The following PDXK variants were observed in gnomAD, a reference collection of about 807,000 sequenced individuals.
PDXK encodes the protein pyridoxal kinase, also known as epididymis secretory sperm binding protein Li 1a.
Under a neutral mutation model 43.2 loss-of-function variants are expected in PDXK, and 15 were observed. The observed-to-expected ratio is 0.35, with a 90% confidence interval of 0.23 to 0.53. The LOEUF (loss-of-function observed/expected upper bound fraction) is 0.53, where lower values mean the gene tolerates loss of function less well. PDXK is among the 20% of genes least tolerant of loss of function. PDXK has a pLI of 0.92. For synonymous variants in PDXK, 172 were observed against 165.4 expected, an observed-to-expected ratio of 1.04 and a Z score of -0.31; for missense variants, 343 against 417.0, an observed-to-expected ratio of 0.82 and a Z score of 1.54.
chr21:43,746,062 C>T lies in PDXK; in HGVS notation c.332-17C>T. The T allele has an allele frequency of 3.7e-6, 6 of 1,607,134 alleles. No homozygotes were observed. Among genetic ancestry groups the T allele is most frequent in the Non-Finnish European group, 5.1e-6 (6 of 1,173,618 alleles). On this transcript the variant is annotated splice_polypyrimidine_tract_variant and intron_variant, in intron 4 of 10. Coordinates refer to ENST00000291565, the MANE Select transcript of PDXK (RefSeq NM_003681.5). ...AGCTGTAGCCTTTGCTGATAAGATG[C>T]CCTTGTGTCTCTGCAGTGTGTGATC...
At position 43,755,981 on chromosome 21, in the gene PDXK, C is replaced by G; in HGVS notation, c.857C>G (p.Pro286Arg). 1 of 1,612,726 alleles carries G rather than the reference C, an allele frequency of 6.2e-7. No homozygotes were observed. The change falls in exon 11 of 11, where the codon CCC (proline) becomes CGC (arginine). Residue 286 changes from proline to arginine, a missense_variant. By Grantham distance (103) the Pro-to-Arg change is moderately radical. Coordinates refer to ENST00000291565, the MANE Select transcript of PDXK (RefSeq NM_003681.5). Reference sequence around the variant, plus strand: ...GCCGGGGAAGGAGTGAGGCCCAGCCCCATGCAGCTGGAGCTGCGGATGGTG... The same window carrying G: ...GCCGGGGAAGGAGTGAGGCCCAGCCGCATGCAGCTGGAGCTGCGGATGGTG... ...AQAGEGVRPSPMQLELRMVQS... is the reference protein window; with the variant it reads ...AQAGEGVRPSRMQLELRMVQS...
At chr21:43,753,251 TACACGTGGGCACACGCAC>T (rs1340683130) in intron 8 of PDXK, among the ~76,000 whole-genome samples, 1 of 151,984 alleles carries the variant, frequency 6.6e-6, no homozygotes, top group Non-Finnish European at 1.5e-5. Context: ...CACACATGCA[TACACGTGGGCACACGCAC>T]ACACATGCAC....
At chr21:43,739,526 A>G (rs1392622347) in intron 2 of PDXK, among the ~76,000 whole-genome samples, 2 of 147,448 alleles carry the variant, frequency 1.4e-5, no homozygotes, top group Non-Finnish European at 3.1e-5. Context: ...TTATGGCAGA[A>G]GGGGAAACAA....
intron 1 of PDXK, 94 bp downstream of exon 1, chr21:43,719,475 C>T (rs941913889): frequency 1.6e-5 from 21 of 1,338,452 alleles, no homozygotes; most frequent in African/African-American, 6.1e-5. Flanking sequence ...GAGGGAGGCT[C>T]GGGAGCTGCG....
chr21:43,743,634 G>C (rs1445720401), intron 3 of PDXK, 90 bp from the exon 4 acceptor site: 3 of 832,336 alleles, frequency 3.6e-6, no homozygotes, highest in South Asian at 1.4e-5. Flanking sequence ...CCCCTCTGCA[G>C]GGTCTGCTGG....
At chr21:43,720,007 G>A (rs1006540605) in intron 1 of PDXK, 58 of 816,138 alleles carry the variant, frequency 7.1e-5, no homozygotes, top group Middle Eastern at 6.2e-4. Context: ...CGGCATCCCT[G>A]CAGGTGTTTG....
rs1473391675 is a variant in PDXK, at chr21:43,737,979, C to T, written c.143-3688C>T. On this transcript the variant is annotated intron_variant, in intron 2 of 10. Transcript: ENST00000291565. This position sits in a 1 kb window ranked among gnomAD's most constrained non-coding sequence, Gnocchi z 4.8. The stretch of plus-strand genomic sequence containing the variant: ...AGGTGCAAGACCATGCCCTCTGTTT[C>T]GATAGGAAGCTGGGCCTCAGAGGGG... The T allele has an allele frequency of 4.1e-6, 4 of 985,362 alleles. No individual in the cohort carries two copies. Among genetic ancestry groups the T allele is most frequent in the African/African-American group, 3.5e-5 (2 of 57,256 alleles). The allele number at this position is 985,362 out of a possible 1,614,324, so 61.0% of individuals were successfully genotyped here.
At chr21:43,727,226 C>T (rs73369494) in intron 1 of PDXK, among the ~76,000 whole-genome samples, 1 of 152,110 alleles carries the variant, frequency 6.6e-6, no homozygotes, top group Non-Finnish European at 1.5e-5. Flanking sequence ...AAATGGAATC[C>T]TGCGTGCCCA....
chr21:43,757,119 C>T lies in PDXK; in HGVS notation c.*1056C>T, dbSNP rs538949254. 12 of 152,654 alleles carry T rather than the reference C, an allele frequency of 7.9e-5. No homozygotes were observed. Among genetic ancestry groups the T allele is most frequent in the African/African-American group, 1.9e-4 (8 of 41,592 alleles). 9.5% of individuals were successfully genotyped at this position (152,654 alleles called of 1,614,324 possible). On this transcript the variant is annotated 3_prime_UTR_variant, in exon 11 of 11. Transcript: ENST00000291565. The stretch of plus-strand genomic sequence containing the variant: ...AATCTTCCAAGGTGGGTGTGGGGCA[C>T]GGTGGGGGCGGGCAGCTCCCAGGCC...
At chr21:43,728,557 A>C (rs2083276943) in intron 1 of PDXK, among the ~76,000 whole-genome samples, 2 of 152,194 alleles carry the variant, frequency 1.3e-5, no homozygotes, top group African/African-American at 4.8e-5. Flanking sequence ...CCGGAGGAGG[A>C]GGAGGATCAG....
chr21:43,733,173 G>A (rs1225593031), intron 1 of PDXK, among the ~76,000 whole-genome samples: 1 of 151,754 alleles, frequency 6.6e-6, no homozygotes. Flanking sequence ...TAAGCAGATA[G>A]CTCAACTCAT....
Position 43,757,341 on chromosome 21 carries a change from TG to T in PDXK, c.*1282del, listed in dbSNP as rs1357400068. The T allele has an allele frequency of 1.3e-5, 2 of 152,298 alleles. No individual in the cohort carries two copies. The highest frequency in any genetic ancestry group is 4.8e-5 in the African/African-American group (2 of 41,460). The allele number at this position is 152,298 out of a possible 1,614,324, so 9.4% of individuals were successfully genotyped here. ...CCCCTGCAGCCCTGCATCCCAGCTC[TG>T]GGGTGTGCAGAGGTTTGTGTCTCCA... On this transcript the variant is annotated 3_prime_UTR_variant, in exon 11 of 11. Coordinates refer to ENST00000291565, the MANE Select transcript of PDXK (RefSeq NM_003681.5).
chr21:43,753,518 A>T, intron 8 of PDXK, 65 bp from the exon 9 acceptor site: 1 of 1,543,784 alleles, frequency 6.5e-7, no homozygotes, highest in Non-Finnish European at 8.8e-7. Context: ...AGGATCAGGG[A>T]TGGGAGGCTG....
At position 43,735,242 on chromosome 21, in the gene PDXK, C is replaced by T. The variant is rs554036957; in HGVS notation, c.142+1119C>T. Among the ~76,000 whole-genome samples the T allele has an allele frequency of 9.8e-5, 15 of 152,352 alleles. No individual in the cohort carries two copies. The South Asian group carries it at 1.5e-3, about 15-fold the overall frequency. Reference sequence around the variant, plus strand: ...CCCACATGTCCTTCCTGGCTGCTCTCGCCATCCTCCTTTAGGATTTATTTT... The same window carrying T: ...CCCACATGTCCTTCCTGGCTGCTCTTGCCATCCTCCTTTAGGATTTATTTT... On this transcript the variant is annotated intron_variant, in intron 2 of 10. Transcript: ENST00000291565. The surrounding 1 kb of genome is among the most constrained non-coding windows in gnomAD (Gnocchi z 5.3).
intron 5 of PDXK, among the ~76,000 whole-genome samples, chr21:43,747,980 G>A (rs998424991): frequency 2.0e-5 from 3 of 152,190 alleles, no homozygotes; most frequent in African/African-American, 7.2e-5. Flanking sequence ...CTGGAGCAGC[G>A]GCCGGCGTGT....
intron 5 of PDXK, 59 bp from the exon 6 acceptor site, chr21:43,748,936 C>T (rs1379697787): frequency 9.3e-6 from 10 of 1,079,114 alleles, no homozygotes; most frequent in Non-Finnish European, 1.1e-5. Flanking sequence ...CCTCCGCGCC[C>T]CCTGGCGTGC....
intron 8 of PDXK, 85 bp downstream of exon 8, chr21:43,752,714 C>G (rs2083775101): frequency 1.2e-6 from 1 of 817,490 alleles, no homozygotes; most frequent in African/African-American, 1.7e-5. Flanking sequence ...GTTTTGGGTT[C>G]AATAGCATGA....
At chr21:43,730,374 C>T (rs1200513608) in intron 1 of PDXK, among the ~76,000 whole-genome samples, 1 of 152,182 alleles carries the variant, frequency 6.6e-6, no homozygotes, top group Non-Finnish European at 1.5e-5. Context: ...GATCCTCCCA[C>T]CTCGGCCTCC....
In PDXK at chr21:43,732,429, C is replaced by CT; in HGVS notation, c.88-1639dup. On this transcript the variant is annotated intron_variant, in intron 1 of 10. Transcript: ENST00000291565. The surrounding 1 kb of genome is among the most constrained non-coding windows in gnomAD (Gnocchi z 4.1). Reference sequence around the variant, plus strand: ...CCAGCTTGCGATGCTGATGAATAAGCTGATTTTGATGGGGTGTGTGAAACG... The same window carrying CT: ...CCAGCTTGCGATGCTGATGAATAAGCTTGATTTTGATGGGGTGTGTGAAACG... 1 of 1,612,820 alleles carries CT rather than the reference C, an allele frequency of 6.2e-7. No individual in the cohort carries two copies.
Sources: gnomAD v4.1 joint callset for allele counts (sites outside exome capture counted in the v4.1 genomes callset) on GRCh38, gnomAD v4.1.1 for gene constraint, Gnocchi (gnomAD v3.1) non-coding constraint, MANE v1.5 for transcripts, NCBI Gene and HGNC (gene_info 2026-07-23, HGNC 2026-07-21) for gene names.